Variants in OTOP1 observed in about 807,000 individuals in gnomAD.
The protein encoded by OTOP1 is proton channel OTOP1.
OTOP1 carries 59 observed loss-of-function variants against 52.9 expected under a neutral mutation model. That is an observed-to-expected ratio of 1.12 (90% CI 0.91 to 1.39). The LOEUF (loss-of-function observed/expected upper bound fraction) is 1.39, where lower values mean the gene tolerates loss of function less well. Among genes scored for constraint, OTOP1 ranks in the 40% most tolerant of loss-of-function variants. The pLI, the probability that OTOP1 is intolerant of heterozygous loss-of-function variation, is 0.00. For missense variants in OTOP1, 761 were observed against 800.9 expected (o/e 0.95, Z 0.60); for synonymous variants, 317 against 337.7 (o/e 0.94, Z 0.67).
At chr4:4,208,519 A>C (rs952064074) in intron 2 of OTOP1, among the ~76,000 whole-genome samples, 6 of 152,374 alleles carry the variant, frequency 3.9e-5, no homozygotes, top group East Asian at 1.9e-4. Context: ...GAAATAAGCC[A>C]GACACAAGAA....
intron 4 of OTOP1, 119 bp downstream of exon 4, chr4:4,202,329 A>G: frequency 7.1e-7 from 1 of 1,400,356 alleles, no homozygotes; most frequent in Non-Finnish European, 9.9e-7. Flanking sequence ...GCTGATGCTG[A>G]GTTGGGTGGC....
rs768189833 is a variant in OTOP1, at chr4:4,202,595, C to T, written c.600-17G>A. 1.9e-6 allele frequency: 3 copies of T among 1,612,822 alleles called. No individual in the cohort carries two copies. Among genetic ancestry groups the T allele is most frequent in the South Asian group, 1.1e-5 (1 of 91,064 alleles). On this transcript the variant is annotated splice_polypyrimidine_tract_variant and intron_variant, in intron 3 of 5. Transcript: ENST00000296358. The stretch of plus-strand genomic sequence containing the variant: ...ACTCCAAACCTGAAAAACACAAGGA[C>T]TCAGTTCTCAAGCAGCCCTGGGAGA...
At chr4:4,214,428 T>C (rs1182466599) in intron 1 of OTOP1, among the ~76,000 whole-genome samples, 3 of 152,192 alleles carry the variant, frequency 2.0e-5, no homozygotes, top group African/African-American at 7.2e-5. Context: ...TATTATGGCA[T>C]GATCTGGCAT....
Position 4,197,350 on chromosome 4 carries a change from ATGTCCTTGCCC to A in OTOP1, c.1473_1483del (p.Gln491HisfsTer16). The A allele has an allele frequency of 1.2e-6, 2 of 1,613,942 alleles. No homozygotes were observed. Among genetic ancestry groups the A allele is most frequent in the Non-Finnish European group, 8.5e-7 (1 of 1,180,014 alleles). On this transcript the variant is annotated frameshift_variant, in exon 5 of 6. Transcript: ENST00000296358. LOFTEE classifies it high-confidence loss of function. ...CACATTTCCATTGGCTGCTGGTGGC[ATGTCCTTGCCC>A]TGGGGAGCCACATCTCTGGCCACAC...
chr4:4,217,223 C>A (rs1216074663), intron 1 of OTOP1, among the ~76,000 whole-genome samples: 2 of 152,214 alleles, frequency 1.3e-5, no homozygotes, highest in Non-Finnish European at 2.9e-5. Context: ...TCCTACTATG[C>A]ATGAGGCATT....
At chr4:4,199,628 G>A (rs1716735250) in intron 4 of OTOP1, among the ~76,000 whole-genome samples, 1 of 152,144 alleles carries the variant, frequency 6.6e-6, no homozygotes, top group South Asian at 2.1e-4. Flanking sequence ...GGCTAGGCTG[G>A]TCTTGAACTC....
intron 5 of OTOP1, among the ~76,000 whole-genome samples, chr4:4,195,105 G>C (rs1179598999): frequency 6.6e-6 from 1 of 152,058 alleles, no homozygotes; most frequent in Non-Finnish European, 1.5e-5. Context: ...TCAACATAAA[G>C]ACTAGACTCT....
At chr4:4,217,523 G>A (rs1325868482) in intron 1 of OTOP1, among the ~76,000 whole-genome samples, 1 of 152,174 alleles carries the variant, frequency 6.6e-6, no homozygotes, top group Non-Finnish European at 1.5e-5. Context: ...TATTTATTGA[G>A]CAGAAACCAT....
intron 2 of OTOP1, among the ~76,000 whole-genome samples, chr4:4,209,879 A>T (rs1716987799): frequency 6.6e-6 from 1 of 152,106 alleles, no homozygotes; most frequent in Non-Finnish European, 1.5e-5. Context: ...ACTGTGAAGA[A>T]AGACTGCACA....
At chr4:4,198,954 G>A (rs1199441542) in intron 4 of OTOP1, among the ~76,000 whole-genome samples, 1 of 152,210 alleles carries the variant, frequency 6.6e-6, no homozygotes, top group Non-Finnish European at 1.5e-5. Context: ...ACTTTGGGAG[G>A]CCAAAGCAGG....
At position 4,197,216 on chromosome 4, in the gene OTOP1, T is replaced by G; in HGVS notation, c.1618A>C (p.Arg540=). ...GCTGCAATATTCCTCAGGACTTTTCTCTTGGCGTTGCCCTGTAAGAAACGG... is the reference window on the plus strand; with the variant it reads ...GCTGCAATATTCCTCAGGACTTTTCGCTTGGCGTTGCCCTGTAAGAAACGG... ...LPRFLQGNAK[R]KVLRNIAAFL... is the part of the protein sequence containing the mutation. The change falls in exon 5 of 6, where the codon AGA becomes CGA. Residue 540 remains arginine (R), a synonymous_variant. Coordinates refer to ENST00000296358, the MANE Select transcript of OTOP1 (RefSeq NM_177998.3). The G allele has an allele frequency of 6.2e-7, 1 of 1,612,398 alleles. No homozygotes were observed. The highest frequency in any genetic ancestry group is 8.5e-7 in the Non-Finnish European group (1 of 1,179,788).
chr4:4,201,469 T>TACACAC (rs564159690), intron 4 of OTOP1, among the ~76,000 whole-genome samples: 2,638 of 137,704 alleles, frequency 0.019, 30 homozygotes, highest in Middle Eastern at 0.032. Flanking sequence ...AATATATATA[T>TACACAC]ATACACACAC....
At chr4:4,212,786 C>A (rs571762020) in intron 2 of OTOP1, 82 bp downstream of exon 2, 42 of 1,493,986 alleles carry the variant, frequency 2.8e-5, no homozygotes, top group Non-Finnish European at 3.5e-5. Flanking sequence ...ACCTGCCACA[C>A]GTCTTGATGT....
At chr4:4,202,709 G>A in intron 3 of OTOP1, 131 bp from the exon 4 acceptor site, 4 of 1,179,238 alleles carry the variant, frequency 3.4e-6, no homozygotes, top group Non-Finnish European at 4.8e-6. Flanking sequence ...TGGCAGTTCA[G>A]GCTCTGGGTG....
chr4:4,201,850 C>T (rs1716795479), intron 4 of OTOP1, among the ~76,000 whole-genome samples: 1 of 152,152 alleles, frequency 6.6e-6, no homozygotes, highest in Non-Finnish European at 1.5e-5. Flanking sequence ...ACATTCCCCT[C>T]AGCCTGAATG....
At chr4:4,223,526 G>C (rs1426924757) in intron 1 of OTOP1, among the ~76,000 whole-genome samples, 1 of 152,130 alleles carries the variant, frequency 6.6e-6, no homozygotes, top group Non-Finnish European at 1.5e-5. Flanking sequence ...ACATAAGGAA[G>C]AGCATTTCTT....
At chr4:4,218,425 G>A (rs772950945) in intron 1 of OTOP1, among the ~76,000 whole-genome samples, 3 of 150,744 alleles carry the variant, frequency 2.0e-5, no homozygotes, top group African/African-American at 4.9e-5. Flanking sequence ...GAAAAGGACT[G>A]GATAGGGAAC....
At chr4:4,199,109 A>AGAATC in intron 4 of OTOP1, among the ~76,000 whole-genome samples, 1 of 152,056 alleles carries the variant, frequency 6.6e-6, no homozygotes, top group South Asian at 2.1e-4. Flanking sequence ...GAATCACTTG[A>AGAATC]ACCTAGGAGG....
intron 1 of OTOP1, among the ~76,000 whole-genome samples, chr4:4,222,049 T>C (rs1404544414): frequency 1.3e-5 from 2 of 152,162 alleles, no homozygotes; most frequent in Admixed American, 1.3e-4. Context: ...CATCCAATCA[T>C]TCAATCATTC....
Sources: gnomAD v4.1 joint callset for allele counts (sites outside exome capture counted in the v4.1 genomes callset) on GRCh38, gnomAD v4.1.1 for gene constraint, MANE v1.5 for transcripts, NCBI Gene and HGNC (gene_info 2026-07-23, HGNC 2026-07-21) for gene names.